The following RASSF3 variants were observed in gnomAD, a reference collection of about 807,000 sequenced individuals.
RASSF3 encodes the protein Ras association domain family member 3.
RASSF3 carries 19 observed loss-of-function variants against 19.9 expected under a neutral mutation model. The ratio of observed to expected loss-of-function variants is 0.96; its 90% CI spans 0.67 to 1.40. The LOEUF (loss-of-function observed/expected upper bound fraction) is 1.40. Among genes scored for constraint, RASSF3 ranks in the 40% most tolerant of loss-of-function variants. RASSF3 has a pLI of 0.00. For synonymous variants in RASSF3, 110 were observed against 104.2 expected (o/e 1.06, Z -0.34); for missense variants, 306 against 289.8 (o/e 1.06, Z -0.41).
intron 1 of RASSF3, among the ~76,000 whole-genome samples, chr12:64,680,850 G>C (rs948278727): frequency 6.6e-6 from 1 of 152,136 alleles, no homozygotes; most frequent in African/African-American, 2.4e-5. Context: ...GATCTCAGGT[G>C]ATCCGCCCGC....
chr12:64,650,408 C>CTTTTTTTTTTTTTT (rs67304103), intron 1 of RASSF3, among the ~76,000 whole-genome samples: 1 of 85,472 alleles, frequency 1.2e-5, no homozygotes, highest in African/African-American at 4.8e-5. Context: ...TTTTTTTTTC[C>CTTTTTTTTTTTTTT]TTTTTTTTTT....
chr12:64,642,657 T>G (rs1392306720), intron 1 of RASSF3, among the ~76,000 whole-genome samples: 1 of 85,960 alleles, frequency 1.2e-5, no homozygotes. Context: ...TTAATACAAA[T>G]TAATACAAAG....
chr12:64,665,657 T>C (rs1872520696), intron 1 of RASSF3, among the ~76,000 whole-genome samples: 1 of 152,164 alleles, frequency 6.6e-6, no homozygotes, highest in African/African-American at 2.4e-5. Context: ...TACCACCCTT[T>C]TTCTAGAGGT....
intron 2 of RASSF3, among the ~76,000 whole-genome samples, chr12:64,601,139 A>G (rs1424055487): frequency 1.3e-5 from 2 of 151,924 alleles, no homozygotes; most frequent in Admixed American, 1.3e-4. Context: ...AAATAAATAA[A>G]TCAGCTGGGC....
intron 2 of RASSF3, among the ~76,000 whole-genome samples, chr12:64,597,437 AT>A (rs1232975653): frequency 2.0e-5 from 3 of 149,552 alleles, no homozygotes; most frequent in African/African-American, 7.4e-5. Flanking sequence ...GGCCTATTTT[AT>A]TTTTTATTTT....
chr12:64,606,792 G>A (rs1870201246), upstream of RASSF3, among the ~76,000 whole-genome samples: 1 of 152,074 alleles, frequency 6.6e-6, no homozygotes, highest in South Asian at 2.1e-4. Flanking sequence ...TCCAGCCTGG[G>A]TGACAGAGTG....
At chr12:64,665,208 T>C (rs1329759360) in intron 1 of RASSF3, among the ~76,000 whole-genome samples, 1 of 152,194 alleles carries the variant, frequency 6.6e-6, no homozygotes, top group Non-Finnish European at 1.5e-5. Flanking sequence ...GTTTAAAATG[T>C]GGGCAGATTA....
intron 1 of RASSF3, among the ~76,000 whole-genome samples, chr12:64,526,299 A>G (rs918202903): frequency 3.9e-5 from 6 of 152,168 alleles, no homozygotes; most frequent in Non-Finnish European, 8.8e-5. Context: ...TGTCTCATAT[A>G]CTTATTTTTT....
At chr12:64,543,421 G>GCCCGCCCGCCCCCCCGCCCCCCC (rs1565836074), downstream of RASSF3, among the ~76,000 whole-genome samples, 6 of 55,902 alleles carry the variant, frequency 1.1e-4, no homozygotes, top group Admixed American at 5.5e-4. Flanking sequence ...CCCGCCCCCC[G>GCCCGCCCGCCCCCCCGCCCCCCC]GCTCCCCGCC....
intron 1 of RASSF3, among the ~76,000 whole-genome samples, chr12:64,611,221 TC>T (rs1453154497): frequency 1.3e-5 from 2 of 152,160 alleles, no homozygotes; most frequent in Admixed American, 6.5e-5. Context: ...CCTCCCCTCT[TC>T]CTGGCCCGGG....
intron 1 of RASSF3, among the ~76,000 whole-genome samples, chr12:64,627,521 A>G (rs760831701): frequency 3.9e-5 from 6 of 152,216 alleles, no homozygotes; most frequent in Non-Finnish European, 5.9e-5. Context: ...AGTTTTCACC[A>G]TGATATTTTC....
chr12:64,691,282 A>C (rs934004955), intron 3 of RASSF3, among the ~76,000 whole-genome samples, 188 bp from the exon 4 acceptor site: 1 of 152,242 alleles, frequency 6.6e-6, no homozygotes, highest in African/African-American at 2.4e-5. Context: ...TTTATATTTG[A>C]ACAGAAACAG....
intron 1 of RASSF3, among the ~76,000 whole-genome samples, chr12:64,634,310 C>CT (rs201068575): frequency 0.11 from 15,247 of 143,010 alleles, 952 homozygotes; most frequent in East Asian, 0.29. Context: ...TCATCTTGTC[C>CT]TTTTTTTTTT....
At position 64,656,404 on chromosome 12, in the gene RASSF3, A is replaced by AT. The variant is rs555550066; in HGVS notation, c.112-28381dup. Among the ~76,000 whole-genome samples the AT allele has an allele frequency of 3.3e-4, 50 of 152,306 alleles. 1 individual carries two copies. In the South Asian group the frequency reaches 9.7e-3, roughly 30 times the overall value. ...TTTGTGAATATAGTAAAACCATTTA[A>AT]TTGTATACTTATGGGTGAATTTTAT... On this transcript the variant is annotated intron_variant, in intron 1 of 4. Coordinates refer to ENST00000542104, the MANE Select transcript of RASSF3 (RefSeq NM_178169.4).
chr12:64,579,567 G>A (rs553875348), intron 2 of RASSF3, among the ~76,000 whole-genome samples: 1 of 152,106 alleles, frequency 6.6e-6, no homozygotes, highest in East Asian at 1.9e-4. Context: ...TAGCCAGGAT[G>A]GTCTCAATCT....
chr12:64,641,728 T>C (rs1871539441), intron 1 of RASSF3, among the ~76,000 whole-genome samples: 1 of 151,084 alleles, frequency 6.6e-6, no homozygotes, highest in Admixed American at 6.6e-5. Context: ...ACCTCCCTTG[T>C]GACTTTAAAG....
rs544471959 is a variant in RASSF3 at position 64,511,193 on chromosome 12, T to C, written c.169+3864T>C. Among the ~76,000 whole-genome samples the C allele has an allele frequency of 1.5e-3, 224 of 152,354 alleles. 1 individual carries two copies. Among genetic ancestry groups the C allele is most frequent in the African/African-American group, 5.2e-3 (218 of 41,582 alleles). On this transcript the variant is annotated intron_variant, in intron 1 of 5. Coordinates refer to the RASSF3 transcript ENST00000637125. The stretch of plus-strand genomic sequence containing the variant: ...TGTCCTTCATCTGCAGAAACAGGAC[T>C]GGCATTGTTAATTGTCATAATATCT...
rs56163162 is a variant in RASSF3 at position 64,684,435 on chromosome 12, G to GTT, written c.112-341_112-340dup. On this transcript the variant is annotated intron_variant, in intron 1 of 4. Transcript: ENST00000542104. ...GACTTATCTGTTTGTTTGTTTGTTT[G>GTT]TTTTTTTTTTTTGAGACAGAGTTTT... is the stretch of plus-strand genomic sequence containing the variant. Among the ~76,000 whole-genome samples the GTT allele has an allele frequency of 3.7e-3, 491 of 131,188 alleles. 5 individuals are homozygous for GTT. Among genetic ancestry groups the GTT allele is most frequent in the Middle Eastern group, 0.021 (5 of 238 alleles). The allele number at this position is 131,188 out of a possible 152,430, so 86.1% of individuals were successfully genotyped here.
intron 2 of RASSF3, among the ~76,000 whole-genome samples, chr12:64,579,525 G>T (rs1453946437): frequency 7.3e-5 from 11 of 151,492 alleles, no homozygotes; most frequent in African/African-American, 2.4e-4. Flanking sequence ...TATTTTTTTT[G>T]TATTTTTAGT....
Sources: allele counts gnomAD v4.1 joint callset (sites outside exome capture counted in the v4.1 genomes callset), GRCh38; gene constraint gnomAD v4.1.1; transcripts MANE v1.5; gene names NCBI Gene and HGNC (gene_info 2026-07-23, HGNC 2026-07-21).